The following STAB2 variants were observed in gnomAD, a reference collection of about 807,000 sequenced individuals.
STAB2 encodes the protein stabilin 2.
Under a neutral mutation model 338.1 loss-of-function variants are expected in STAB2, and 288 were observed. The ratio of observed to expected loss-of-function variants is 0.85; its 90% CI spans 0.77 to 0.94. The LOEUF is 0.94. Ranked by LOEUF, STAB2 falls within the 40% of genes least tolerant of loss-of-function variation. STAB2 has a pLI of 0.00. For missense variants in STAB2, 3,141 were observed against 3,210.1 expected, an observed-to-expected ratio of 0.98 and a Z score of 0.52; for synonymous variants, 1,202 against 1,193.3, an observed-to-expected ratio of 1.01 and a Z score of -0.15.
intron 51 of STAB2, among the ~76,000 whole-genome samples, chr12:103,734,920 A>G (rs971673257): frequency 8.5e-5 from 13 of 152,164 alleles, no homozygotes; most frequent in African/African-American, 3.1e-4. Context: ...TGTCTCTGCC[A>G]TCACAGGACT....
At chr12:103,744,461 CTTTTTTTTTTTTTT>C (rs3035275) in intron 56 of STAB2, among the ~76,000 whole-genome samples, 75 of 122,444 alleles carry the variant, frequency 6.1e-4, no homozygotes, top group Admixed American at 1.6e-3. Flanking sequence ...CACAATTTTA[CTTTTTTTTTTTTTT>C]TTTTTTTTTA....
At chr12:103,717,652 A>G (rs1486925073) in intron 43 of STAB2, 118 bp from the exon 44 acceptor site, 19 of 782,686 alleles carry the variant, frequency 2.4e-5, no homozygotes, top group Middle Eastern at 4.8e-4. Context: ...CCAACGTCAA[A>G]TAGAGACTCT....
chr12:103,631,453 AAC>A, intron 5 of STAB2, 143 bp from the exon 6 acceptor site: 1 of 692,966 alleles, frequency 1.4e-6, no homozygotes, highest in African/African-American at 1.8e-5. Context: ...AAAAAAAAAA[AAC>A]CTGGTGCTGA....
In STAB2 at chr12:103,648,834, A is replaced by G. The variant is rs1445065688; in HGVS notation, c.1174+11A>G. 7 of 1,612,088 alleles carry G rather than the reference A, an allele frequency of 4.3e-6. No homozygotes were observed. Among genetic ancestry groups the G allele is most frequent in the Non-Finnish European group, 2.5e-6 (3 of 1,179,100 alleles). ...TCATCTCACTCCTAGGTACGCAGCT[A>G]TGGGTACAGATTTCCACACAAAAGT... On this transcript the variant is annotated intron_variant, in intron 10 of 68. Coordinates refer to ENST00000388887, the MANE Select transcript of STAB2 (RefSeq NM_017564.10).
At chr12:103,695,395 G>C (rs1012604698) in intron 31 of STAB2, among the ~76,000 whole-genome samples, 155 bp from the exon 32 acceptor site, 4 of 152,172 alleles carry the variant, frequency 2.6e-5, no homozygotes, top group Non-Finnish European at 4.4e-5. Flanking sequence ...CTGTATCCTG[G>C]AATATTTTTA....
At chr12:103,755,243 AG>A in intron 61 of STAB2, 58 bp from the exon 62 acceptor site, 1 of 1,588,158 alleles carries the variant, frequency 6.3e-7, no homozygotes, top group Non-Finnish European at 8.6e-7. Flanking sequence ...ACATTAACCA[AG>A]TGATGCCACA....
Position 103,691,215 on chromosome 12 carries a change from A to G in STAB2, c.3297+677A>G, listed in dbSNP as rs555409024. ...CAGAGCTCTTCCTGTGAATTGCACA[A>G]GATGAGAATGAAGATTCCACTGCAA... On this transcript the variant is annotated intron_variant, in intron 30 of 68. Coordinates refer to ENST00000388887, the MANE Select transcript of STAB2 (RefSeq NM_017564.10). 7.9e-5 allele frequency among the ~76,000 whole-genome samples: 12 copies of G among 152,374 alleles called. No homozygotes were observed. In the East Asian group the frequency reaches 1.2e-3, roughly 15 times the overall value.
At chr12:103,708,291 C>A (rs1291087173) in intron 38 of STAB2, 150 bp from the exon 39 acceptor site, 2 of 704,050 alleles carry the variant, frequency 2.8e-6, no homozygotes, top group South Asian at 3.6e-5. Flanking sequence ...GCACCCCTGC[C>A]CTTTTTGTGA....
At chr12:103,707,956 A>T (rs1282247558) in intron 38 of STAB2, among the ~76,000 whole-genome samples, 2 of 152,210 alleles carry the variant, frequency 1.3e-5, no homozygotes, top group Non-Finnish European at 2.9e-5. Context: ...CTAAAGCTGA[A>T]TACATTTTTC....
At chr12:103,763,205 G>A (rs1884670821) in intron 67 of STAB2, 1 of 333,220 alleles carries the variant, frequency 3.0e-6, no homozygotes, top group Non-Finnish European at 5.6e-6. Flanking sequence ...GTTACCCTGG[G>A]TGGCAGGCAC....
chr12:103,755,498 G>A (rs1884031736), intron 62 of STAB2, 31 bp downstream of exon 62: 1 of 1,611,192 alleles, frequency 6.2e-7, no homozygotes, highest in Non-Finnish European at 8.5e-7. Context: ...TCAGGTTCTG[G>A]GCCACACAGC....
At position 103,695,852 on chromosome 12, in the gene STAB2, T is replaced by C; in HGVS notation, c.3582+8T>C. 1 of 1,611,510 alleles carries C rather than the reference T, an allele frequency of 6.2e-7. No homozygotes were observed. Among genetic ancestry groups the C allele is most frequent in the Non-Finnish European group, 8.5e-7 (1 of 1,177,650 alleles). Reference sequence around the variant, plus strand: ...AAGAAAGTCTTGTCTCTAGTAAGTGTCAAGAACTATAACTAGGGAAGTTAT... The same window carrying C: ...AAGAAAGTCTTGTCTCTAGTAAGTGCCAAGAACTATAACTAGGGAAGTTAT... On this transcript the variant is annotated splice_region_variant and intron_variant, in intron 33 of 68. Transcript: ENST00000388887.
intron 67 of STAB2, among the ~76,000 whole-genome samples, chr12:103,762,683 G>A (rs1593359320): frequency 6.6e-6 from 1 of 152,174 alleles, no homozygotes; most frequent in African/African-American, 2.4e-5. Flanking sequence ...GGTTTGGCCT[G>A]GAGGCACATT....
chr12:103,630,311 G>A (rs1033950305), intron 5 of STAB2, among the ~76,000 whole-genome samples: 3 of 152,206 alleles, frequency 2.0e-5, no homozygotes, highest in African/African-American at 7.2e-5. Context: ...CTTATTAGAT[G>A]TTTGGAATAC....
At chr12:103,700,910 T>C (rs1335579258) in intron 34 of STAB2, among the ~76,000 whole-genome samples, 1 of 151,896 alleles carries the variant, frequency 6.6e-6, no homozygotes, top group African/African-American at 2.4e-5. Flanking sequence ...GTTAGTTACA[T>C]ATGTATACAT....
Position 103,633,042 on chromosome 12 carries a change from T to C in STAB2, c.583+1349T>C, listed in dbSNP as rs115678975. Among the ~76,000 whole-genome samples, 933 of 152,322 alleles carry C rather than the reference T, an allele frequency of 6.1e-3. 5 individuals carry two copies. Among genetic ancestry groups the C allele is most frequent in the African/African-American group, 0.021 (880 of 41,568 alleles). On this transcript the variant is annotated intron_variant, in intron 6 of 68. Transcript: ENST00000388887. ...GGATGAATAAACTCAGCCTCTGCCT[T>C]CTTCCTGTAGCTGGGACAGCCATGA...
chr12:103,734,470 T>G (rs1235906419), intron 51 of STAB2, among the ~76,000 whole-genome samples: 1 of 151,586 alleles, frequency 6.6e-6, no homozygotes, highest in Non-Finnish European at 1.5e-5. Flanking sequence ...GGAGCAAGCA[T>G]GATCATATAG....
chr12:103,660,757 C>T lies in STAB2; in HGVS notation c.1863C>T (p.Thr621=), dbSNP rs760411766. 8.7e-6 allele frequency: 14 copies of T among 1,613,862 alleles called. No individual in the cohort carries two copies. Among genetic ancestry groups the T allele is most frequent in the South Asian group, 2.2e-5 (2 of 91,062 alleles). The change falls in exon 17 of 69, where the codon ACC becomes ACT. Residue 621 remains threonine (T), a synonymous_variant. Transcript: ENST00000388887. ...ACCAGCTCATACAGTTCAACACCAC[C>T]GACAATGTAAGTGAAAACTCAACCA... ...MANQLIQFNT[T]DNGQILANDV...
chr12:103,699,365 A>G (rs1313800972), intron 34 of STAB2, 138 bp downstream of exon 34: 1 of 1,146,166 alleles, frequency 8.7e-7, no homozygotes, highest in Non-Finnish European at 1.2e-6. Context: ...ATAAAGACAT[A>G]GCCAAGACTG....
Sources: allele counts gnomAD v4.1 joint callset (sites outside exome capture counted in the v4.1 genomes callset), GRCh38; gene constraint gnomAD v4.1.1; transcripts MANE v1.5; gene names NCBI Gene and HGNC (gene_info 2026-07-23, HGNC 2026-07-21).